Variants in KRT71 observed in about 807,000 individuals in gnomAD.
The protein encoded by KRT71 is keratin, type II cytoskeletal 71.
Under a neutral mutation model 46.2 loss-of-function variants are expected in KRT71, and 42 were observed. The ratio of observed to expected loss-of-function variants is 0.91; its 90% confidence interval spans 0.71 to 1.18. The LOEUF (loss-of-function observed/expected upper bound fraction) is 1.18. Ranked by LOEUF, KRT71 falls within the 50% of genes most tolerant of loss-of-function variation. The probability of loss-of-function intolerance (pLI) is 0.00; values close to 1 mark genes in which losing one functional copy is unlikely to be tolerated. For synonymous variants in KRT71, 292 were observed against 277.8 expected (o/e 1.05, Z -0.51); for missense variants, 708 against 677.9 (o/e 1.04, Z -0.49).
chr12:52,549,740 T>C (rs560559467), intron 2 of KRT71, among the ~76,000 whole-genome samples: 394 of 152,278 alleles, frequency 2.6e-3, no homozygotes, highest in Non-Finnish European at 4.9e-3. Flanking sequence ...AACCCTCCTC[T>C]TACATGGGAG....
In KRT71 at chr12:52,552,858, C is replaced by A. The variant is rs527328331; in HGVS notation, c.220G>T (p.Gly74Cys). The A allele has an allele frequency of 3.1e-6, 5 of 1,614,222 alleles. No homozygotes were observed. The South Asian group carries it at 4.4e-5, about 14-fold the overall frequency. Residue 74 changes from glycine to cysteine, a missense_variant, in exon 1 of 9, where the codon GGC (glycine) becomes TGC (cysteine). Transcript: ENST00000267119. Reference protein sequence around the residue: ...GKSGGYGFGRGRASGFAGSMF... With the variant: ...GKSGGYGFGRCRASGFAGSMF... ...CTTCCAGCAAAGCCACTGGCCCGGC[C>A]CCGGCCAAATCCATAGCCTCCACTC... is the stretch of plus-strand genomic sequence containing the variant.
In KRT71 at chr12:52,544,453, C is replaced by A. The variant is rs1939020067; in HGVS notation, c.*79G>T. 7.7e-7 allele frequency: 1 copy of A among 1,299,400 alleles called. No homozygotes were observed. 80.5% of individuals were successfully genotyped at this position (1,299,400 alleles called of 1,614,324 possible). A position where few individuals can be genotyped will look rare whatever the true frequency, so the allele number is the denominator to read the frequency against. On this transcript the variant is annotated 3_prime_UTR_variant, in exon 9 of 9. Coordinates refer to ENST00000267119, the MANE Select transcript of KRT71 (RefSeq NM_033448.3). ...CAGGACCAGCAGGGTGGAGATGGAG[C>A]TGAGAGTGGGCTGTGGGAAGTACAG...
Position 52,547,987 on chromosome 12 carries a change from G to A in KRT71, c.979-5C>T, listed in dbSNP as rs1261508500. ...TGCCAGCTGAAGCTCTTGGAACTGG[G>A]GACCCCAAAGCACAGAGTCATGAGT... On this transcript the variant is annotated splice_polypyrimidine_tract_variant and splice_region_variant and intron_variant, in intron 5 of 8. Transcript: ENST00000267119. 1 of 1,592,478 alleles carries A rather than the reference G, an allele frequency of 6.3e-7. No homozygotes were observed. The highest frequency in any genetic ancestry group is 2.3e-5 in the East Asian group (1 of 43,722).
intron 3 of KRT71, 68 bp downstream of exon 3, chr12:52,549,225 C>T: frequency 2.4e-6 from 3 of 1,230,252 alleles, no homozygotes; most frequent in African/African-American, 2.9e-5. Context: ...TAACAGAGCA[C>T]CTTGGCAGGC....
At chr12:52,550,273 C>A (rs772928813) in intron 1 of KRT71, 30 bp from the exon 2 acceptor site, 1 of 1,611,674 alleles carries the variant, frequency 6.2e-7, no homozygotes, top group South Asian at 1.1e-5. Flanking sequence ...AACTGCTGAA[C>A]CCTTGCAGTA....
intron 3 of KRT71, among the ~76,000 whole-genome samples, 160 bp from the exon 4 acceptor site, chr12:52,548,956 C>T (rs1939110559): frequency 6.6e-6 from 1 of 152,184 alleles, no homozygotes; most frequent in Non-Finnish European, 1.5e-5. Flanking sequence ...CTACCCCACC[C>T]CACCCTGGGA....
intron 1 of KRT71, among the ~76,000 whole-genome samples, chr12:52,551,651 T>G (rs1399936856): frequency 6.6e-6 from 1 of 152,142 alleles, no homozygotes; most frequent in Non-Finnish European, 1.5e-5. Context: ...GGTGCCTGAC[T>G]GCCACAGAGC....
At chr12:52,546,532 A>G in intron 6 of KRT71, 26 bp from the exon 7 acceptor site, 1 of 1,606,838 alleles carries the variant, frequency 6.2e-7, no homozygotes, top group Admixed American at 1.7e-5. Context: ...GTGAAGTCGA[A>G]AAATTTGGAG....
rs371456920 is a variant in KRT71 at position 52,544,592 on chromosome 12, G to A, written c.1512C>T (p.Tyr504=). The A allele has an allele frequency of 6.2e-7, 1 of 1,614,108 alleles. No homozygotes were observed. Among genetic ancestry groups the A allele is most frequent in the South Asian group, 1.1e-5 (1 of 91,084 alleles). Residue 504 remains tyrosine (Y), a synonymous_variant, in exon 9 of 9, where the codon TAC becomes TAT. Coordinates refer to ENST00000267119, the MANE Select transcript of KRT71 (RefSeq NM_033448.3). ...TGGAACCCTTCCCTAGGGTGTCTTT[G>A]TAATCGTTGGCACTGCCCCGGCTCC... ...EGRSRGSAND[Y]KDTLGKGSSL...
chr12:52,547,834 G>A (rs985627131), intron 6 of KRT71, 23 bp downstream of exon 6: 13 of 1,612,714 alleles, frequency 8.1e-6, no homozygotes, highest in Non-Finnish European at 1.0e-5. Context: ...CTTGACCACA[G>A]GCCAAGGCCA....
In KRT71 at chr12:52,549,324, G is replaced by T; in HGVS notation, c.686C>A (p.Ala229Glu). 6.2e-7 allele frequency: 1 copy of T among 1,613,916 alleles called. No homozygotes were observed. The highest frequency in any genetic ancestry group is 8.5e-7 in the Non-Finnish European group (1 of 1,179,858). Residue 229 changes from alanine (A) to glutamate (E), a missense_variant, in exon 3 of 9, where the codon GCA (alanine) becomes GAA (glutamate). Transcript: ENST00000267119. ...GAGCAGCACAAACTCGTTCTCTGCT[G>T]CTGTCCGCTTGTTGATTTCCTCCTC... is the stretch of plus-strand genomic sequence containing the variant. The part of the protein sequence containing the change: ...RYEEEINKRT[A>E]AENEFVLLKK...
chr12:52,548,701 G>A lies in KRT71; in HGVS notation c.813C>T (p.Ala271=), dbSNP rs971529906. The A allele has an allele frequency of 1.9e-5, 30 of 1,613,584 alleles. No homozygotes were observed. Among genetic ancestry groups the A allele is most frequent in the East Asian group, 4.5e-5 (2 of 44,896 alleles). ...GAACCAAGTGGGCAGACAGACTTAC[G>A]GCTTCAAAGAGACACCTGAAGAACT... is the stretch of plus-strand genomic sequence containing the variant. ...EIKFFRCLFE[A]EITQIQSHIS... Residue 271 remains alanine (A), a splice_region_variant and synonymous_variant, in exon 4 of 9, where the codon GCC becomes GCT. Coordinates refer to ENST00000267119, the MANE Select transcript of KRT71 (RefSeq NM_033448.3).
chr12:52,550,038 T>C lies in KRT71; in HGVS notation c.647A>G (p.Tyr216Cys). 1 of 1,614,084 alleles carries C rather than the reference T, an allele frequency of 6.2e-7. No homozygotes were observed. Among genetic ancestry groups the C allele is most frequent in the Non-Finnish European group, 8.5e-7 (1 of 1,179,944 alleles). ...LRNVRDVVED[Y>C]KKRYEEEINK... ...GACTCCTCCTGCTCACCTCTTCTTG[T>C]AGTCCTCCACTACGTCCCGCACATT... Residue 216 changes from tyrosine (Y) to cysteine (C), a missense_variant, in exon 2 of 9, where the codon TAC becomes TGC. Physicochemically the swap from Tyr to Cys is radical, Grantham distance 194. Transcript: ENST00000267119.
At position 52,548,176 on chromosome 12, in the gene KRT71, C is replaced by G; in HGVS notation, c.954G>C (p.Glu318Asp). 6.2e-7 allele frequency: 1 copy of G among 1,613,862 alleles called. No individual in the cohort carries two copies. The highest frequency in any genetic ancestry group is 8.5e-7 in the Non-Finnish European group (1 of 1,179,810). Residue 318 changes from glutamate (E) to aspartate (D), a missense_variant, in exon 5 of 9, where the codon GAG (glutamate) becomes GAC (aspartate). Coordinates refer to ENST00000267119, the MANE Select transcript of KRT71 (RefSeq NM_033448.3). ...CCTTGGTCTGGTACAGGGCCTCAGC[C>G]TCGGCCTTACTCTTCAAGGCAATCT... ...YEEIALKSKAEAEALYQTKFQ... is the reference protein window; with the variant it reads ...YEEIALKSKADAEALYQTKFQ...
At chr12:52,550,892 G>T (rs1320183855) in intron 1 of KRT71, among the ~76,000 whole-genome samples, 1 of 152,182 alleles carries the variant, frequency 6.6e-6, no homozygotes, top group Non-Finnish European at 1.5e-5. Context: ...TGGTTTTTGG[G>T]GATGGGGAGC....
chr12:52,544,991 C>A (rs1453416731), intron 8 of KRT71, among the ~76,000 whole-genome samples: 1 of 152,158 alleles, frequency 6.6e-6, no homozygotes, highest in Non-Finnish European at 1.5e-5. Flanking sequence ...GTCCAGGTAC[C>A]AATACCCCTA....
chr12:52,551,535 G>A (rs946553006), intron 1 of KRT71, among the ~76,000 whole-genome samples: 1 of 152,220 alleles, frequency 6.6e-6, no homozygotes, highest in African/African-American at 2.4e-5. Context: ...GCCGAGGGCA[G>A]CAGGGACTCC....
rs544227322 is a variant in KRT71, at chr12:52,546,657, G to T, written c.1105-151C>A. 4 of 750,160 alleles carry T rather than the reference G, an allele frequency of 5.3e-6. No homozygotes were observed. In the South Asian group the frequency reaches 7.5e-5, roughly 14 times the overall value. 46.5% of individuals were successfully genotyped at this position (750,160 alleles called of 1,614,324 possible). On this transcript the variant is annotated intron_variant, in intron 6 of 8. Transcript: ENST00000267119. ...TCCTTGCAGCAGAGCCCCTTCTGGG[G>T]CTGGCACCTCCCTCCTTAGCTCTAG...
Position 52,548,749 on chromosome 12 carries a change from C to T in KRT71, c.765G>A (p.Val255=). 6.2e-7 allele frequency: 1 copy of T among 1,614,224 alleles called. No individual in the cohort carries two copies. Among genetic ancestry groups the T allele is most frequent in the Non-Finnish European group, 8.5e-7 (1 of 1,180,032 alleles). ...ACTTGATCTCCTGGTCCATGGATTC[C>T]ACCTTGGCCTGCAGTTCCACCTTAT... ...YANKVELQAK[V]ESMDQEIKFF... is the part of the protein sequence containing the mutation. Residue 255 remains valine (V), a synonymous_variant, in exon 4 of 9, where the codon GTG becomes GTA. Coordinates refer to ENST00000267119, the MANE Select transcript of KRT71 (RefSeq NM_033448.3).
Sources: gnomAD v4.1 joint callset for allele counts (sites outside exome capture counted in the v4.1 genomes callset) on GRCh38, gnomAD v4.1.1 for gene constraint, MANE v1.5 for transcripts, NCBI Gene and HGNC (gene_info 2026-07-23, HGNC 2026-07-21) for gene names.